The following MVD variants were observed in gnomAD, a reference collection of about 807,000 sequenced individuals.
The protein encoded by MVD is mevalonate diphosphate decarboxylase, also known as diphosphomevalonate decarboxylase.
A neutral mutation model predicts 42.4 loss-of-function variants in MVD; 52 were observed. The ratio of observed to expected loss-of-function variants is 1.23; its 90% CI spans 0.98 to 1.55. The LOEUF is 1.55. MVD is among the 40% of genes most tolerant of loss of function. MVD has a pLI of 0.00. For missense variants in MVD, 663 were observed against 572.1 expected, an observed-to-expected ratio of 1.16 and a Z score of -1.62; for synonymous variants, 287 against 243.2, an observed-to-expected ratio of 1.18 and a Z score of -1.68.
intron 1 of MVD, among the ~76,000 whole-genome samples, chr16:88,661,654 C>G (rs1346638704): frequency 6.6e-6 from 1 of 151,996 alleles, no homozygotes; most frequent in East Asian, 1.9e-4. Context: ...AAGAAAGATG[C>G]TCCACGTCAC....
At chr16:88,662,984 C>T (rs780302852) in intron 1 of MVD, 27 bp downstream of exon 1, 12 of 1,585,530 alleles carry the variant, frequency 7.6e-6, no homozygotes, top group Non-Finnish European at 1.0e-5. Flanking sequence ...CGGCCATCCC[C>T]GTCCCAGGCC....
At position 88,654,763 on chromosome 16, in the gene MVD, G is replaced by C; in HGVS notation, c.942C>G (p.Thr314=). 1 of 1,599,504 alleles carries C rather than the reference G, an allele frequency of 6.3e-7. No individual in the cohort carries two copies. The highest frequency in any genetic ancestry group is 8.5e-7 in the Non-Finnish European group (1 of 1,175,294). ...FDAGPNAVIF[T]LDDTVAEFVA... ...CAAACTCAGCCACAGTGTCGTCCAG[G>C]GTGAAGATCACGGCATTGGGGCCCG... is the stretch of plus-strand genomic sequence containing the variant. Residue 314 remains threonine, a synonymous_variant, in exon 8 of 10, where the codon ACC becomes ACG. Coordinates refer to ENST00000301012, the MANE Select transcript of MVD (RefSeq NM_002461.3).
At position 88,653,364 on chromosome 16, in the gene MVD, T is replaced by C; in HGVS notation, c.1058A>G (p.Glu353Gly). Residue 353 changes from glutamate to glycine, a missense_variant, in exon 9 of 10, where the codon GAG (glutamate) becomes GGG (glycine). Transcript: ENST00000301012. ...LQVRPAPLSA[E>G]LQAALAMEPT... Reference sequence around the variant, plus strand: ...CTCCATGGCCAGCGCAGCCTGAAGCTCAGCTGAGAGAGGGGCCGGCCTCAC... The same window carrying C: ...CTCCATGGCCAGCGCAGCCTGAAGCCCAGCTGAGAGAGGGGCCGGCCTCAC... 1 of 1,598,992 alleles carries C rather than the reference T, an allele frequency of 6.3e-7. No homozygotes were observed. Among genetic ancestry groups the C allele is most frequent in the Non-Finnish European group, 8.5e-7 (1 of 1,176,206 alleles).
chr16:88,662,815 T>G (rs1399608586), intron 1 of MVD, 196 bp downstream of exon 1: 1 of 1,467,996 alleles, frequency 6.8e-7, no homozygotes, highest in African/African-American at 1.5e-5. Context: ...GGGGAACGGG[T>G]GGCGCCGAGC....
intron 4 of MVD, chr16:88,657,192 C>T (rs376477173): frequency 9.7e-5 from 66 of 683,456 alleles, no homozygotes; most frequent in African/African-American, 5.1e-4. Context: ...AGTGCTTCTC[C>T]CCCATCAGCC....
At chr16:88,662,138 A>T (rs545270516) in intron 1 of MVD, 1 of 152,156 alleles carries the variant, frequency 6.6e-6, no homozygotes, top group Non-Finnish European at 1.5e-5. Context: ...AGGGAAACAC[A>T]AAAAAATTAG....
rs1168428038 is a variant in MVD, at chr16:88,652,164, G to A, written c.*361C>T. ...AGCACGGTGACCCCTTCCCTGGTCC[G>A]CTGGAGGGACCACCTCCCCACTGAG... On this transcript the variant is annotated 3_prime_UTR_variant, in exon 10 of 10. Coordinates refer to ENST00000301012, the MANE Select transcript of MVD (RefSeq NM_002461.3). The A allele has an allele frequency of 2.6e-5, 10 of 379,710 alleles. No homozygotes were observed. The highest frequency in any genetic ancestry group is 8.5e-5 in the African/African-American group (4 of 47,160). The allele number at this position is 379,710 out of a possible 1,614,324, so 23.5% of individuals were successfully genotyped here. A position where few individuals can be genotyped will look rare whatever the true frequency, so the allele number is the denominator to read the frequency against.
chr16:88,661,930 ATC>A (rs1274546843), intron 1 of MVD, among the ~76,000 whole-genome samples: 3 of 76,304 alleles, frequency 3.9e-5, no homozygotes, highest in African/African-American at 1.1e-4. Flanking sequence ...ACACACATAT[ATC>A]TATACAGGTG....
chr16:88,659,456 G>A (rs542009549), intron 1 of MVD: 1 of 153,100 alleles, frequency 6.5e-6, no homozygotes, highest in Admixed American at 6.5e-5. Context: ...AGGTGGGCCA[G>A]GGGACTTCTC....
chr16:88,658,992 A>AGTGG (rs544879478), intron 1 of MVD: 267 of 469,698 alleles, frequency 5.7e-4, no homozygotes, highest in African/African-American at 5.0e-3. Context: ...AGCATCCGTG[A>AGTGG]GTGCCCAGGT....
At chr16:88,658,849 T>G in intron 1 of MVD, 129 bp from the exon 2 acceptor site, 1 of 654,262 alleles carries the variant, frequency 1.5e-6, no homozygotes, top group South Asian at 1.7e-5. Context: ...CCGCACAACC[T>G]GTGTGCCCCT....
chr16:88,662,129 G>A (rs1186300038), intron 1 of MVD: 5 of 152,062 alleles, frequency 3.3e-5, no homozygotes, highest in Non-Finnish European at 5.9e-5. Flanking sequence ...TTATTGGTAA[G>A]GGAAACACAA....
chr16:88,657,728 G>C, intron 3 of MVD, 146 bp from the exon 4 acceptor site: 8 of 1,339,834 alleles, frequency 6.0e-6, no homozygotes, highest in Non-Finnish European at 8.1e-6. Context: ...GAAAACCCCA[G>C]ACTGACCCAA....
intron 1 of MVD, among the ~76,000 whole-genome samples, chr16:88,659,842 C>G (rs918046219): frequency 2.0e-5 from 3 of 152,048 alleles, no homozygotes; most frequent in Non-Finnish European, 4.4e-5. Flanking sequence ...TGACGCACGC[C>G]TGTTATCCCA....
At chr16:88,657,353 G>T in intron 4 of MVD, 83 bp downstream of exon 4, 2 of 1,515,762 alleles carry the variant, frequency 1.3e-6, no homozygotes, top group Non-Finnish European at 1.8e-6. Context: ...ACGCCCAGCA[G>T]TGGGCTCCCT....
intron 3 of MVD, 147 bp downstream of exon 3, chr16:88,657,767 GC>G: frequency 8.1e-7 from 1 of 1,233,630 alleles, no homozygotes; most frequent in South Asian, 1.4e-5. Flanking sequence ...GTGGGCCACT[GC>G]CCTGGAGCTG....
rs1427088457 is a variant in MVD at position 88,662,999 on chromosome 16, C to T, written c.70+12G>A. On this transcript the variant is annotated intron_variant, in intron 1 of 9. Coordinates refer to ENST00000301012, the MANE Select transcript of MVD (RefSeq NM_002461.3). Reference sequence around the variant, plus strand: ...CGGCCATCCCCGTCCCAGGCCGGCCCGCGGCACTCACAGTACTTGATGACC... The same window carrying T: ...CGGCCATCCCCGTCCCAGGCCGGCCTGCGGCACTCACAGTACTTGATGACC... 1 of 1,595,458 alleles carries T rather than the reference C, an allele frequency of 6.3e-7. No homozygotes were observed. Among genetic ancestry groups the T allele is most frequent in the Non-Finnish European group, 8.5e-7 (1 of 1,171,986 alleles).
chr16:88,656,625 G>A, intron 4 of MVD: 1 of 463,700 alleles, frequency 2.2e-6, no homozygotes. Context: ...CCCAAGCTGG[G>A]CTTTGAGGGT....
intron 2 of MVD, among the ~76,000 whole-genome samples, chr16:88,658,312 T>G (rs979555976): frequency 9.9e-5 from 15 of 152,098 alleles, no homozygotes; most frequent in African/African-American, 3.1e-4. Context: ...TGACGAGACC[T>G]GGGGGCACAT....
Sources: allele counts gnomAD v4.1 joint callset (sites outside exome capture counted in the v4.1 genomes callset), GRCh38; gene constraint gnomAD v4.1.1; transcripts MANE v1.5; gene names NCBI Gene and HGNC (gene_info 2026-07-23, HGNC 2026-07-21).